The following GRIK1 variants were observed in gnomAD, a reference collection of about 807,000 sequenced individuals.
GRIK1 encodes the protein glutamate receptor ionotropic, kainate 1.
In GRIK1, 69 loss-of-function variants were observed where a neutral mutation model predicts 105.7. The observed-to-expected ratio is 0.65, with a 90% confidence interval of 0.54 to 0.80. The LOEUF (loss-of-function observed/expected upper bound fraction) is 0.80. Among genes scored for constraint, GRIK1 ranks in the 30% least tolerant of loss-of-function variants. The pLI, the probability that GRIK1 is intolerant of heterozygous loss-of-function variation, is 0.00. For missense variants in GRIK1, 1,109 were observed against 1,167.3 expected (o/e 0.95, Z 0.73); for synonymous variants, 438 against 431.3 (o/e 1.02, Z -0.19).
chr21:29,692,407 T>C (rs1269693121), intron 2 of GRIK1, among the ~76,000 whole-genome samples: 1 of 152,218 alleles, frequency 6.6e-6, no homozygotes, highest in Non-Finnish European at 1.5e-5. Flanking sequence ...AGATAATTTA[T>C]GTGAGGATAG....
At chr21:29,836,654 C>G (rs909153816) in intron 1 of GRIK1, among the ~76,000 whole-genome samples, 2 of 152,020 alleles carry the variant, frequency 1.3e-5, no homozygotes, top group East Asian at 1.9e-4. Flanking sequence ...CACACATATA[C>G]ATGTGTAATG....
intron 1 of GRIK1, among the ~76,000 whole-genome samples, chr21:29,794,153 G>C (rs1223349211): frequency 1.3e-5 from 2 of 152,030 alleles, no homozygotes; most frequent in Non-Finnish European, 2.9e-5. Flanking sequence ...TGTTTGATAA[G>C]ATAATTATAA....
intron 1 of GRIK1, among the ~76,000 whole-genome samples, chr21:29,834,124 T>G (rs2067714827): frequency 6.6e-6 from 1 of 152,116 alleles, no homozygotes; most frequent in Non-Finnish European, 1.5e-5. Context: ...GAGAGATACA[T>G]TAGGGAAATC....
At chr21:29,747,928 C>T (rs1409908086) in intron 1 of GRIK1, among the ~76,000 whole-genome samples, 1 of 152,182 alleles carries the variant, frequency 6.6e-6, no homozygotes. Flanking sequence ...TTTTTAAAGT[C>T]ACAATTTACA....
intron 16 of GRIK1, among the ~76,000 whole-genome samples, chr21:29,550,672 A>G (rs557788100): frequency 1.3e-5 from 2 of 152,330 alleles, no homozygotes; most frequent in Admixed American, 6.5e-5. Flanking sequence ...AACTGCTCTT[A>G]GAGATAGAGC....
rs533111380 is a variant in GRIK1 at position 29,550,007 on chromosome 21, C to G, written c.2607+5045G>C. On this transcript the variant is annotated intron_variant, in intron 16 of 17. Coordinates refer to ENST00000327783, the MANE Select transcript of GRIK1 (RefSeq NM_001330994.2). Reference sequence around the variant, plus strand: ...CCTGCAATCCCAGCTACTCAGGAGGCTGAGGCAAGAGAATTGCTTGAACCC... The same window carrying G: ...CCTGCAATCCCAGCTACTCAGGAGGGTGAGGCAAGAGAATTGCTTGAACCC... 2.1e-3 allele frequency among the ~76,000 whole-genome samples: 306 copies of G among 144,660 alleles called. 1 individual carries two copies. Among genetic ancestry groups the G allele is most frequent in the African/African-American group, 7.4e-3 (293 of 39,388 alleles). 94.9% of individuals were successfully genotyped at this position (144,660 alleles called of 152,430 possible). A position where few individuals can be genotyped will look rare whatever the true frequency, so the allele number is the denominator to read the frequency against.
At chr21:29,548,445 T>C (rs1299579208) in intron 16 of GRIK1, among the ~76,000 whole-genome samples, 2 of 152,192 alleles carry the variant, frequency 1.3e-5, no homozygotes, top group Non-Finnish European at 2.9e-5. Flanking sequence ...AGAAGCATAA[T>C]GAGATGTTTC....
chr21:29,828,833 T>C (rs2067548305), intron 1 of GRIK1, among the ~76,000 whole-genome samples: 1 of 152,174 alleles, frequency 6.6e-6, no homozygotes, highest in Admixed American at 6.5e-5. Flanking sequence ...CACCTATTGA[T>C]AGGTGTTCAA....
intron 1 of GRIK1, among the ~76,000 whole-genome samples, chr21:29,750,471 AACT>A (rs1023683724): frequency 6.6e-6 from 1 of 152,144 alleles, no homozygotes; most frequent in African/African-American, 2.4e-5. Context: ...TTTTACCTGG[AACT>A]ACAAAGATTT....
intron 1 of GRIK1, among the ~76,000 whole-genome samples, chr21:29,820,586 A>G (rs1335194167): frequency 2.0e-5 from 3 of 152,026 alleles, no homozygotes; most frequent in Admixed American, 2.0e-4. Context: ...AAATCACTGC[A>G]AGAGAGTGAT....
Position 29,805,971 on chromosome 21 carries a change from A to C in GRIK1, c.119-111908T>G, listed in dbSNP as rs142026302. Among the ~76,000 whole-genome samples the C allele has an allele frequency of 2.6e-5, 4 of 152,258 alleles. No homozygotes were observed. The East Asian group carries it at 7.7e-4, about 29-fold the overall frequency. On this transcript the variant is annotated intron_variant, in intron 1 of 17. Coordinates refer to ENST00000327783, the MANE Select transcript of GRIK1 (RefSeq NM_001330994.2). ...AGTTGTGTTGCCATATAAGAAACCA[A>C]ACATGCTATAAATCACAGAGTAATA... is the stretch of plus-strand genomic sequence containing the variant.
At chr21:29,835,009 G>T (rs143185807) in intron 1 of GRIK1, among the ~76,000 whole-genome samples, 254 of 152,002 alleles carry the variant, frequency 1.7e-3, no homozygotes, top group Middle Eastern at 0.014. Flanking sequence ...CTTCCTGTGG[G>T]CATAGCGTTT....
chr21:29,618,296 A>G (rs1295341502), intron 7 of GRIK1, among the ~76,000 whole-genome samples: 2 of 152,208 alleles, frequency 1.3e-5, no homozygotes, highest in African/African-American at 4.8e-5. Context: ...ATGCAAATCC[A>G]AACCACAATG....
rs539522040 is a variant in GRIK1 at position 29,821,334 on chromosome 21, C to T, written c.118+118049G>A. On this transcript the variant is annotated intron_variant, in intron 1 of 17. Transcript: ENST00000327783. ...GATGAATTGTCTGCAACTGCAGTTGCAGGCCTCAGTCTATGGCACATATCA... is the reference window on the plus strand; with the variant it reads ...GATGAATTGTCTGCAACTGCAGTTGTAGGCCTCAGTCTATGGCACATATCA... Among the ~76,000 whole-genome samples, 5 of 152,182 alleles carry T rather than the reference C, an allele frequency of 3.3e-5. No individual in the cohort carries two copies. In the East Asian group the frequency reaches 9.7e-4, roughly 29 times the overall value.
At chr21:29,775,839 C>T (rs13053028) in intron 1 of GRIK1, among the ~76,000 whole-genome samples, 21 of 152,292 alleles carry the variant, frequency 1.4e-4, no homozygotes, top group South Asian at 4.1e-4. Flanking sequence ...GATTTAAAGG[C>T]GCTAAACCTC....
At chr21:29,758,510 G>A (rs994370414) in intron 1 of GRIK1, among the ~76,000 whole-genome samples, 1 of 152,096 alleles carries the variant, frequency 6.6e-6, no homozygotes, top group Non-Finnish European at 1.5e-5. Context: ...CCTCCATTGG[G>A]TCCCTCCCCC....
chr21:29,560,366 TTCC>T lies in GRIK1; in HGVS notation c.2356+1255_2356+1257del, dbSNP rs2090396330. Among the ~76,000 whole-genome samples the T allele has an allele frequency of 8.2e-4, 21 of 25,740 alleles. 2 individuals carry two copies. Among genetic ancestry groups the T allele is most frequent in the Admixed American group, 1.5e-3 (3 of 2,020 alleles). 16.9% of individuals were successfully genotyped at this position (25,740 alleles called of 152,430 possible). A position where few individuals can be genotyped will look rare whatever the true frequency, so the allele number is the denominator to read the frequency against. The stretch of plus-strand genomic sequence containing the variant: ...TTCTTTCTTTCTTTCTTTTTCTTTC[TTCC>T]TTCCTTCCTTCCTTCCTTCCTTCCT... On this transcript the variant is annotated intron_variant, in intron 15 of 17. Coordinates refer to ENST00000327783, the MANE Select transcript of GRIK1 (RefSeq NM_001330994.2).
At chr21:29,543,233 G>A (rs2089998568) in intron 16 of GRIK1, among the ~76,000 whole-genome samples, 1 of 152,104 alleles carries the variant, frequency 6.6e-6, no homozygotes, top group South Asian at 2.1e-4. Flanking sequence ...AAGCTCTAGT[G>A]TAGGAGCAAA....
chr21:29,814,858 A>G (rs750231300), intron 1 of GRIK1, among the ~76,000 whole-genome samples: 1 of 152,066 alleles, frequency 6.6e-6, no homozygotes, highest in Non-Finnish European at 1.5e-5. Context: ...GTAGAGCCTA[A>G]GAGTGTAAAT....
Sources: gnomAD v4.1 joint callset for allele counts (sites outside exome capture counted in the v4.1 genomes callset) on GRCh38, gnomAD v4.1.1 for gene constraint, MANE v1.5 for transcripts, NCBI Gene and HGNC (gene_info 2026-07-23, HGNC 2026-07-21) for gene names.